Variants in TMEM163 observed in about 807,000 individuals in gnomAD.
The protein encoded by TMEM163 is transmembrane protein 163.
TMEM163 carries 17 observed loss-of-function variants against 29.3 expected under a neutral mutation model. The ratio of observed to expected loss-of-function variants is 0.58; its 90% CI spans 0.40 to 0.87. The LOEUF (loss-of-function observed/expected upper bound fraction) is 0.87. Among genes scored for constraint, TMEM163 ranks in the 40% least tolerant of loss-of-function variants. The pLI, the probability that TMEM163 is intolerant of heterozygous loss-of-function variation, is 0.00. For synonymous variants in TMEM163, 157 were observed against 160.6 expected (o/e 0.98, Z 0.17); for missense variants, 303 against 381.5 (o/e 0.79, Z 1.71).
chr2:134,578,133 T>C (rs1018331789), intron 2 of TMEM163, among the ~76,000 whole-genome samples: 1 of 152,256 alleles, frequency 6.6e-6, no homozygotes, highest in Non-Finnish European at 1.5e-5. Context: ...TTATATTAGT[T>C]CCATAACTTA....
At chr2:134,508,096 T>C (rs1201698573) in intron 4 of TMEM163, among the ~76,000 whole-genome samples, 2 of 152,190 alleles carry the variant, frequency 1.3e-5, no homozygotes, top group African/African-American at 4.8e-5. Context: ...ATACACAAAA[T>C]GTTGTCAGAT....
intron 2 of TMEM163, among the ~76,000 whole-genome samples, chr2:134,594,750 T>G (rs1406174205): frequency 6.6e-6 from 1 of 152,170 alleles, no homozygotes; most frequent in Non-Finnish European, 1.5e-5. Context: ...TCTGCCAACT[T>G]CAGAAGGAAG....
chr2:134,604,928 C>A (rs1481394014), intron 2 of TMEM163, among the ~76,000 whole-genome samples: 2 of 152,084 alleles, frequency 1.3e-5, no homozygotes, highest in South Asian at 2.1e-4. Context: ...ACCTGTAATC[C>A]CAGCACTTTG....
intron 2 of TMEM163, among the ~76,000 whole-genome samples, chr2:134,616,454 G>A (rs534515304): frequency 6.6e-6 from 1 of 152,220 alleles, no homozygotes; most frequent in Admixed American, 6.5e-5. Context: ...TTTTTAAAGG[G>A]AACCCATTTG....
At chr2:134,631,901 C>T (rs112834466) in intron 2 of TMEM163, among the ~76,000 whole-genome samples, 188 of 152,260 alleles carry the variant, frequency 1.2e-3, no homozygotes, top group African/African-American at 4.4e-3. Context: ...GCATCTTAAA[C>T]ATTATTTAAG....
At chr2:134,699,820 T>C (rs1328175772) in intron 2 of TMEM163, among the ~76,000 whole-genome samples, 1 of 152,238 alleles carries the variant, frequency 6.6e-6, no homozygotes, top group Non-Finnish European at 1.5e-5. Context: ...AATTCACAAA[T>C]GTTTTATCTT....
At chr2:134,629,334 T>C (rs1246129074) in intron 2 of TMEM163, among the ~76,000 whole-genome samples, 1 of 152,184 alleles carries the variant, frequency 6.6e-6, no homozygotes, top group Non-Finnish European at 1.5e-5. Flanking sequence ...TCAAAAAATA[T>C]ATTAATCGTT....
At chr2:134,524,916 C>G (rs1212183697) in intron 4 of TMEM163, among the ~76,000 whole-genome samples, 1 of 144,336 alleles carries the variant, frequency 6.9e-6, no homozygotes. Context: ...AATGGTATTT[C>G]TGGTTCTAGG....
intron 2 of TMEM163, among the ~76,000 whole-genome samples, chr2:134,590,093 C>T (rs942831475): frequency 6.6e-6 from 1 of 151,018 alleles, no homozygotes; most frequent in Non-Finnish European, 1.5e-5. Flanking sequence ...TGCCCTCTCC[C>T]ACCCTCCAGG....
At chr2:134,456,924 A>G (rs1481382091) in intron 7 of TMEM163, 148 bp from the exon 8 acceptor site, 1 of 787,636 alleles carries the variant, frequency 1.3e-6, no homozygotes, top group South Asian at 1.6e-5. Context: ...ATATTCATCC[A>G]TTTGTGTTAT....
chr2:134,473,977 GA>G (rs1032060194), intron 5 of TMEM163, among the ~76,000 whole-genome samples: 7 of 150,420 alleles, frequency 4.7e-5, no homozygotes, highest in Middle Eastern at 3.5e-3. Flanking sequence ...ATCTCTTTCA[GA>G]AAAAAAAAGA....
At chr2:134,714,605 T>A (rs992878181) in intron 1 of TMEM163, among the ~76,000 whole-genome samples, 1 of 152,158 alleles carries the variant, frequency 6.6e-6, no homozygotes, top group East Asian at 1.9e-4. Context: ...CAAGCCAGAA[T>A]GTCAAGAAGG....
chr2:134,676,215 A>T (rs1243372600), intron 2 of TMEM163, among the ~76,000 whole-genome samples: 1 of 152,176 alleles, frequency 6.6e-6, no homozygotes, highest in East Asian at 1.9e-4. Context: ...ACTTGACGTC[A>T]ATTAGCTTGC....
chr2:134,633,113 T>C (rs1683009854), intron 2 of TMEM163, among the ~76,000 whole-genome samples: 1 of 152,050 alleles, frequency 6.6e-6, no homozygotes, highest in Admixed American at 6.6e-5. Flanking sequence ...ACATGAATTT[T>C]GGAGGGATAC....
intron 4 of TMEM163, among the ~76,000 whole-genome samples, chr2:134,505,334 T>A (rs1288803380): frequency 6.6e-6 from 1 of 151,642 alleles, no homozygotes; most frequent in Non-Finnish European, 1.5e-5. Context: ...TCTGCATTTG[T>A]TTAAAAGCTC....
intron 4 of TMEM163, among the ~76,000 whole-genome samples, chr2:134,505,514 C>T (rs1285674543): frequency 6.6e-6 from 1 of 152,040 alleles, no homozygotes; most frequent in African/African-American, 2.4e-5. Context: ...TCTCGTGGGA[C>T]CTAATAGGCC....
chr2:134,634,011 ATATATAT>A (rs1683045737), intron 2 of TMEM163, among the ~76,000 whole-genome samples: 1 of 31,512 alleles, frequency 3.2e-5, no homozygotes, highest in African/African-American at 1.1e-4. Flanking sequence ...ATATATATAT[ATATATAT>A]ATAATAGGAC....
chr2:134,518,554 T>C (rs546734324), intron 4 of TMEM163, among the ~76,000 whole-genome samples: 5 of 152,330 alleles, frequency 3.3e-5, no homozygotes, highest in African/African-American at 1.2e-4. Flanking sequence ...GTAGGGAGGA[T>C]GGTCCTTTAA....
At chr2:134,458,503 A>G (rs1052435043) in intron 6 of TMEM163, 2 of 318,146 alleles carry the variant, frequency 6.3e-6, no homozygotes, top group Non-Finnish European at 1.2e-5. Context: ...TTTTCTGTTG[A>G]GTCCACAGTC....
Sources: allele counts gnomAD v4.1 joint callset (sites outside exome capture counted in the v4.1 genomes callset), GRCh38; gene constraint gnomAD v4.1.1; transcripts MANE v1.5; gene names NCBI Gene and HGNC (gene_info 2026-07-23, HGNC 2026-07-21).